The following NSMCE4A variants were observed in gnomAD, a reference collection of about 807,000 sequenced individuals.
NSMCE4A encodes the protein non-structural maintenance of chromosomes element 4 homolog A.
In NSMCE4A, 40 loss-of-function variants were observed where a neutral mutation model predicts 47.9. The ratio of observed to expected loss-of-function variants is 0.83; its 90% confidence interval spans 0.65 to 1.09. NSMCE4A has a LOEUF of 1.09. Among genes scored for constraint, NSMCE4A ranks in the 50% least tolerant of loss-of-function variants. The pLI, the probability that NSMCE4A is intolerant of heterozygous loss-of-function variation, is 0.00. For missense variants in NSMCE4A, 500 were observed against 507.0 expected, an observed-to-expected ratio of 0.99 and a Z score of 0.13; for synonymous variants, 166 against 178.5, an observed-to-expected ratio of 0.93 and a Z score of 0.56.
chr10:121,965,060 G>A (rs1444782018), intron 5 of NSMCE4A, among the ~76,000 whole-genome samples: 1 of 152,124 alleles, frequency 6.6e-6, no homozygotes, highest in Non-Finnish European at 1.5e-5. Flanking sequence ...TGCTGAGGTT[G>A]ACCCTGGCTT....
At position 121,967,750 on chromosome 10, in the gene NSMCE4A, A is replaced by G. The variant is rs920119958; in HGVS notation, c.558T>C (p.Asp186=). 6.8e-6 allele frequency: 11 copies of G among 1,614,166 alleles called. No homozygotes were observed. Among genetic ancestry groups the G allele is most frequent in the Non-Finnish European group, 9.3e-6 (11 of 1,180,028 alleles). ...AGACTATGAATTCAAAATCAGGACT[A>G]TCTTCATCACGGATGAGTTCTTCAG... The part of the protein sequence containing the change: ...LEAEELIRDE[D]SPDFEFIVYD... Residue 186 remains aspartate, a synonymous_variant, in exon 4 of 11, where the codon GAT becomes GAC. Transcript: ENST00000369023.
At chr10:121,959,251 G>T in intron 10 of NSMCE4A, 73 bp downstream of exon 10, 1 of 1,322,712 alleles carries the variant, frequency 7.6e-7, no homozygotes, top group South Asian at 1.2e-5. Context: ...TCACTGGAAT[G>T]GGGAAAAGGG....
intron 6 of NSMCE4A, among the ~76,000 whole-genome samples, chr10:121,962,280 G>A (rs916791530): frequency 2.0e-5 from 3 of 151,790 alleles, no homozygotes; most frequent in South Asian, 2.1e-4. Context: ...TTAGCCAGGC[G>A]TGGTGGCGGG....
intron 4 of NSMCE4A, chr10:121,966,198 G>A (rs1219131833): frequency 1.3e-5 from 2 of 152,204 alleles, no homozygotes; most frequent in African/African-American, 4.8e-5. Context: ...CCCAGACATG[G>A]GAGTGACGTG....
At chr10:121,958,825 C>CTTTTTTTTTTTTTTT (rs778070060) in intron 10 of NSMCE4A, among the ~76,000 whole-genome samples, 2,418 of 146,358 alleles carry the variant, frequency 0.017, 72 homozygotes, top group South Asian at 0.032. Flanking sequence ...AGCTGCAAGT[C>CTTTTTTTTTTTTTTT]TTTTTTTTGA....
chr10:121,960,471 T>G lies in NSMCE4A; in HGVS notation c.940-65A>C. On this transcript the variant is annotated intron_variant, in intron 7 of 10. Transcript: ENST00000369023. This position sits in a 1 kb window ranked among gnomAD's most constrained non-coding sequence, Gnocchi z 4.2. ...AAGACTCAAACCTATACGCACTAGA[T>G]GGAAAAAATTACTCAGAAAATTCAG... 8.5e-7 allele frequency: 1 copy of G among 1,175,534 alleles called. No homozygotes were observed. The highest frequency in any genetic ancestry group is 1.2e-6 in the Non-Finnish European group (1 of 848,210). The allele number at this position is 1,175,534 out of a possible 1,614,324, so 72.8% of individuals were successfully genotyped here.
At position 121,971,147 on chromosome 10, in the gene NSMCE4A, C is replaced by T. The variant is rs985441821; in HGVS notation, c.371-78G>A. 3.9e-4 allele frequency: 476 copies of T among 1,228,172 alleles called. 1 individual carries two copies. The highest frequency in any genetic ancestry group is 5.1e-4 in the Non-Finnish European group (457 of 899,168). 76.1% of individuals were successfully genotyped at this position (1,228,172 alleles called of 1,614,324 possible). A position where few individuals can be genotyped will look rare whatever the true frequency, so the allele number is the denominator to read the frequency against. ...GACTTTTTCCCTACATTTCCAACTA[C>T]TTACCAGGATTTCCCACTGGACTAA... On this transcript the variant is annotated intron_variant, in intron 2 of 10. Transcript: ENST00000369023.
At position 121,971,383 on chromosome 10, in the gene NSMCE4A, G is replaced by A. The variant is rs570339878; in HGVS notation, c.371-314C>T. ...AAATTAGCAGGGCGTGGTGGCGGGC[G>A]CCTGTAGTCCCAGCTACTTGGGAGG... On this transcript the variant is annotated intron_variant, in intron 2 of 10. Transcript: ENST00000369023. Among the ~76,000 whole-genome samples the A allele has an allele frequency of 1.4e-4, 21 of 152,214 alleles. No individual in the cohort carries two copies. In the East Asian group the frequency reaches 2.3e-3, roughly 17 times the overall value.
intron 2 of NSMCE4A, among the ~76,000 whole-genome samples, chr10:121,972,915 T>TG (rs1565000229): frequency 2.6e-5 from 4 of 152,106 alleles, no homozygotes; most frequent in Non-Finnish European, 5.9e-5. Context: ...CAGCAATGAC[T>TG]AAAAATATAC....
intron 1 of NSMCE4A, 132 bp downstream of exon 1, chr10:121,974,742 C>A: frequency 8.7e-7 from 1 of 1,153,482 alleles, no homozygotes; most frequent in Non-Finnish European, 1.1e-6. Context: ...GGGGCTGGCA[C>A]CCGGCGCGTC....
At position 121,957,119 on chromosome 10, in the gene NSMCE4A, A is replaced by C. The variant is rs896894786; in HGVS notation, c.*153T>G. On this transcript the variant is annotated 3_prime_UTR_variant, in exon 11 of 11. Transcript: ENST00000369023. The stretch of plus-strand genomic sequence containing the variant: ...GTGAATATGGCGGTGAGTTTCCTTT[A>C]ATCAAAGACAACCATGACAAATTTA... 4 of 152,626 alleles carry C rather than the reference A, an allele frequency of 2.6e-5. No homozygotes were observed. Among genetic ancestry groups the C allele is most frequent in the African/African-American group, 9.6e-5 (4 of 41,462 alleles). 9.5% of individuals were successfully genotyped at this position (152,626 alleles called of 1,614,324 possible).
At chr10:121,972,246 TG>T (rs76035057) in intron 2 of NSMCE4A, among the ~76,000 whole-genome samples, 32 of 151,610 alleles carry the variant, frequency 2.1e-4, no homozygotes, top group Admixed American at 3.9e-4. Context: ...AGCTTTAACC[TG>T]GGGGGGGCAG....
chr10:121,974,619 C>T (rs1364361272), intron 1 of NSMCE4A: 2 of 1,061,118 alleles, frequency 1.9e-6, no homozygotes, highest in African/African-American at 3.4e-5. Flanking sequence ...GGCGAGTCCG[C>T]GAACGGCTCT....
rs952949528 is a variant in NSMCE4A at position 121,974,319 on chromosome 10, G to A, written c.293-238C>T. 3 of 1,310,894 alleles carry A rather than the reference G, an allele frequency of 2.3e-6. No individual in the cohort carries two copies. The African/African-American group carries it at 4.4e-5, about 19-fold the overall frequency. The allele number at this position is 1,310,894 out of a possible 1,614,324, so 81.2% of individuals were successfully genotyped here. A position where few individuals can be genotyped will look rare whatever the true frequency, so the allele number is the denominator to read the frequency against. On this transcript the variant is annotated intron_variant, in intron 1 of 10. Transcript: ENST00000369023. ...GCTCCCTCTAACCTTAACCCAAAGG[G>A]CTGGACTCCGGCTGCAGCCTCTGAG... is the stretch of plus-strand genomic sequence containing the variant.
At chr10:121,970,464 T>C (rs111769815) in intron 3 of NSMCE4A, among the ~76,000 whole-genome samples, 12,106 of 125,550 alleles carry the variant, frequency 0.096, 740 homozygotes, top group East Asian at 0.34. Flanking sequence ...AGAGCGAGAC[T>C]CTGTCTCAAA....
Position 121,961,470 on chromosome 10 carries a change from A to G in NSMCE4A, c.892T>C (p.Phe298Leu). The change falls in exon 7 of 11, where the codon TTC becomes CTC. Residue 298 changes from phenylalanine (F) to leucine (L), a missense_variant. Transcript: ENST00000369023. ...AAGATGTTTTCCACTGTACGGGGGA[A>G]AGAATGAGGATCAACCACAAAGTCA... Reference protein sequence around the residue: ...FFDFVVDPHSFPRTVENIFHV... With the variant: ...FFDFVVDPHSLPRTVENIFHV... 1.9e-6 allele frequency: 3 copies of G among 1,574,878 alleles called. No individual in the cohort carries two copies. Among genetic ancestry groups the G allele is most frequent in the Middle Eastern group, 1.7e-4 (1 of 5,936 alleles).
chr10:121,975,085 G>A lies in NSMCE4A; in HGVS notation c.81C>T (p.Arg27=). The stretch of plus-strand genomic sequence containing the variant: ...GCGACAAAGGGGACCGCGAGCGGGA[G>A]CGGGAGCGGGTGCGATCCCGATGCG... The part of the protein sequence containing the change: ...RDPHRDRTRS[R]SRSRSPLSPR... The change falls in exon 1 of 11, where the codon CGC becomes CGT. Residue 27 remains arginine (R), a synonymous_variant. Coordinates refer to ENST00000369023, the MANE Select transcript of NSMCE4A (RefSeq NM_017615.3). 1 of 1,445,008 alleles carries A rather than the reference G, an allele frequency of 6.9e-7. No individual in the cohort carries two copies. Among genetic ancestry groups the A allele is most frequent in the Non-Finnish European group, 9.0e-7 (1 of 1,109,838 alleles). 89.5% of individuals were successfully genotyped at this position (1,445,008 alleles called of 1,614,324 possible).
intron 4 of NSMCE4A, 128 bp downstream of exon 4, chr10:121,967,527 T>C: frequency 9.5e-7 from 1 of 1,048,616 alleles, no homozygotes; most frequent in African/African-American, 1.6e-5. Context: ...TATCAAAGTT[T>C]CAAAAGTCTC....
chr10:121,957,414 C>A (rs866182522), intron 10 of NSMCE4A, among the ~76,000 whole-genome samples, 155 bp from the exon 11 acceptor site: 1 of 142,176 alleles, frequency 7.0e-6, no homozygotes, highest in African/African-American at 2.6e-5. Flanking sequence ...CATATTTATT[C>A]CCTTCTTCTT....
Sources: allele counts gnomAD v4.1 joint callset (sites outside exome capture counted in the v4.1 genomes callset), GRCh38; gene constraint gnomAD v4.1.1; non-coding constraint Gnocchi (gnomAD v3.1); transcripts MANE v1.5; gene names NCBI Gene and HGNC (gene_info 2026-07-23, HGNC 2026-07-21).